Variants in USP2 observed in about 807,000 individuals in gnomAD.
USP2 encodes ubiquitin carboxyl-terminal hydrolase 2.
In USP2, 33 loss-of-function variants were observed where a neutral mutation model predicts 72.0. The ratio of observed to expected loss-of-function variants is 0.46; its 90% CI spans 0.35 to 0.61. The LOEUF is 0.61. Among genes scored for constraint, USP2 ranks in the 20% least tolerant of loss-of-function variants. The probability of loss-of-function intolerance (pLI) is 0.01; values close to 1 mark genes in which losing one functional copy is unlikely to be tolerated. For missense variants in USP2, 691 were observed against 797.8 expected (o/e 0.87, Z 1.61); for synonymous variants, 296 against 312.5 (o/e 0.95, Z 0.56).
chr11:119,378,846 T>G (rs1237235894), intron 1 of USP2, among the ~76,000 whole-genome samples: 2 of 152,198 alleles, frequency 1.3e-5, no homozygotes, highest in African/African-American at 4.8e-5. Flanking sequence ...TAGGGCGTCA[T>G]CTTTCCTCTG....
At chr11:119,359,705 C>T (rs1405938568) in intron 3 of USP2, 45 bp from the exon 4 acceptor site, 1 of 1,603,470 alleles carries the variant, frequency 6.2e-7, no homozygotes, top group South Asian at 1.1e-5. Context: ...GAGAGTCCCA[C>T]CTTCACCTGT....
At chr11:119,372,347 G>C (rs376417199) in intron 2 of USP2, among the ~76,000 whole-genome samples, 120 of 152,238 alleles carry the variant, frequency 7.9e-4, no homozygotes, top group Middle Eastern at 3.4e-3. Flanking sequence ...GGTGGTCTGG[G>C]CCCCCCCGCA....
In USP2 at chr11:119,355,884, C is replaced by A. The variant is rs1475624599; in HGVS notation, c.*951G>T. 1 of 151,902 alleles carries A rather than the reference C, an allele frequency of 6.6e-6. No homozygotes were observed. The highest frequency in any genetic ancestry group is 2.4e-5 in the African/African-American group (1 of 41,292). 9.4% of individuals were successfully genotyped at this position (151,902 alleles called of 1,614,324 possible). A position where few individuals can be genotyped will look rare whatever the true frequency, so the allele number is the denominator to read the frequency against. On this transcript the variant is annotated 3_prime_UTR_variant, in exon 13 of 13. Coordinates refer to ENST00000260187, the MANE Select transcript of USP2 (RefSeq NM_004205.5). ...TTCTTTGCCTCACTGCAATGCACAA[C>A]GAGCCAGGGCTAAGGGCAGGATCCC...
At chr11:119,380,453 C>T (rs1202763305) in intron 1 of USP2, among the ~76,000 whole-genome samples, 1 of 152,132 alleles carries the variant, frequency 6.6e-6, no homozygotes, top group African/African-American at 2.4e-5. Flanking sequence ...TCCACTCTAC[C>T]TGTGGGAGGG....
At chr11:119,375,959 A>C (rs1267347646) in intron 1 of USP2, among the ~76,000 whole-genome samples, 1 of 150,742 alleles carries the variant, frequency 6.6e-6, no homozygotes, top group Non-Finnish European at 1.5e-5. Context: ...CCAAATCCCC[A>C]CTCTCCCTCC....
chr11:119,371,892 G>T (rs1392337923), intron 2 of USP2, among the ~76,000 whole-genome samples: 1 of 152,180 alleles, frequency 6.6e-6, no homozygotes, highest in South Asian at 2.1e-4. Context: ...CGTGGCAGGG[G>T]ATCTAGAGAT....
intron 2 of USP2, among the ~76,000 whole-genome samples, chr11:119,371,631 T>A (rs1220009087): frequency 6.6e-6 from 1 of 152,236 alleles, no homozygotes; most frequent in Non-Finnish European, 1.5e-5. Flanking sequence ...CTGCTGCATT[T>A]GTCTGGATCA....
intron 12 of USP2, 73 bp from the exon 13 acceptor site, chr11:119,356,995 C>T (rs1950668183): frequency 5.3e-6 from 8 of 1,522,972 alleles, no homozygotes; most frequent in East Asian, 2.5e-5. Context: ...TTTCTGTGCC[C>T]CCGAGGCCGG....
intron 2 of USP2, 81 bp downstream of exon 2, chr11:119,372,626 G>T: frequency 1.5e-6 from 2 of 1,354,504 alleles, no homozygotes; most frequent in Non-Finnish European, 2.0e-6. Context: ...CAGTCAGGTT[G>T]GGAGTCGAGC....
chr11:119,355,987 CT>C lies in USP2; in HGVS notation c.*847del, dbSNP rs1161728595. The C allele has an allele frequency of 1.3e-5, 2 of 151,220 alleles. No individual in the cohort carries two copies. The highest frequency in any genetic ancestry group is 2.4e-5 in the African/African-American group (1 of 41,134). 9.4% of individuals were successfully genotyped at this position (151,220 alleles called of 1,614,324 possible). A position where few individuals can be genotyped will look rare whatever the true frequency, so the allele number is the denominator to read the frequency against. On this transcript the variant is annotated 3_prime_UTR_variant, in exon 13 of 13. Coordinates refer to ENST00000260187, the MANE Select transcript of USP2 (RefSeq NM_004205.5). Reference sequence around the variant, plus strand: ...ATATTTCAGGAGGGGCAGTTACCCCCTGGTCCCCAAATGCTATAAGGCACAA... The same window carrying C: ...ATATTTCAGGAGGGGCAGTTACCCCCGGTCCCCAAATGCTATAAGGCACAA...
chr11:119,373,149 C>T lies in USP2; in HGVS notation c.332G>A (p.Ser111Asn). Residue 111 changes from serine (S) to asparagine (N), a missense_variant, in exon 2 of 13, where the codon AGC (serine) becomes AAC (asparagine). Physicochemically the swap from Ser to Asn is conservative, Grantham distance 46 (BLOSUM62 1). Transcript: ENST00000260187. ...RPLGSGLSGG[S>N]GFPYGVTNNC... is the part of the protein sequence containing the mutation. ...GTTGGTCACTCCATAAGGGAATCCG[C>T]TGCCCCCGCTGAGGCCACTGCCTAA... 6.2e-7 allele frequency: 1 copy of T among 1,614,156 alleles called. No homozygotes were observed. Among genetic ancestry groups the T allele is most frequent in the Non-Finnish European group, 8.5e-7 (1 of 1,180,040 alleles).
chr11:119,356,981 C>T (rs1412940170), intron 12 of USP2, 59 bp from the exon 13 acceptor site: 7 of 1,534,826 alleles, frequency 4.6e-6, no homozygotes, highest in Non-Finnish European at 6.2e-6. Context: ...CCCCCGCCGG[C>T]TTCTTTCTGT....
chr11:119,378,406 T>G (rs1414000635), intron 1 of USP2, among the ~76,000 whole-genome samples: 1 of 152,068 alleles, frequency 6.6e-6, no homozygotes, highest in African/African-American at 2.4e-5. Context: ...TGGGCTGGCC[T>G]CCTCCCCTCC....
intron 2 of USP2, chr11:119,364,193 C>T: frequency 6.0e-6 from 7 of 1,165,712 alleles, no homozygotes; most frequent in Non-Finnish European, 6.3e-6. Flanking sequence ...TCCCGGCTCT[C>T]GCGCTCCGGC....
At chr11:119,359,739 T>C in intron 3 of USP2, 79 bp from the exon 4 acceptor site, 1 of 1,560,818 alleles carries the variant, frequency 6.4e-7, no homozygotes, top group South Asian at 1.2e-5. Context: ...AGAGGCTCTC[T>C]GGTTCATCTA....
Position 119,359,045 on chromosome 11 carries a change from G to T in USP2, c.1151C>A (p.Pro384His), listed in dbSNP as rs1950719252. ...TTACGGAAGATGATCGAGGTTCTCA[G>T]GGTTGGACTTAGGTCTCAGTGTCAC... ...NRVTLRPKSN[P>H]ENLDHLPDDE... Residue 384 changes from proline to histidine, a missense_variant, in exon 6 of 13, where the codon CCT (proline) becomes CAT (histidine). Transcript: ENST00000260187. 6.2e-7 allele frequency: 1 copy of T among 1,614,068 alleles called. No individual in the cohort carries two copies. The highest frequency in any genetic ancestry group is 8.5e-7 in the Non-Finnish European group (1 of 1,180,042).
chr11:119,361,184 ACTGT>A (rs1235403894), intron 2 of USP2, among the ~76,000 whole-genome samples: 1 of 152,198 alleles, frequency 6.6e-6, no homozygotes, highest in African/African-American at 2.4e-5. Flanking sequence ...CTGACTGGCC[ACTGT>A]CTGGGAATCC....
Position 119,356,641 on chromosome 11 carries a change from G to T in USP2, c.*194C>A. The T allele has an allele frequency of 1.7e-6, 1 of 585,074 alleles. No individual in the cohort carries two copies. The allele number at this position is 585,074 out of a possible 1,614,324, so 36.2% of individuals were successfully genotyped here. A position where few individuals can be genotyped will look rare whatever the true frequency, so the allele number is the denominator to read the frequency against. ...CACGTCCAGGCGATCTTCCCTGCCG[G>T]GCCACAGCTCAGGAAAGCCCGGCTC... On this transcript the variant is annotated 3_prime_UTR_variant, in exon 13 of 13. Coordinates refer to ENST00000260187, the MANE Select transcript of USP2 (RefSeq NM_004205.5).
chr11:119,360,082 G>T, intron 3 of USP2, 102 bp downstream of exon 3: 1 of 1,416,824 alleles, frequency 7.1e-7, no homozygotes. Flanking sequence ...TGGCTGAACG[G>T]GTAGGGAGTC....
Sources: allele counts gnomAD v4.1 joint callset (sites outside exome capture counted in the v4.1 genomes callset), GRCh38; gene constraint gnomAD v4.1.1; transcripts MANE v1.5; gene names NCBI Gene and HGNC (gene_info 2026-07-23, HGNC 2026-07-21).